The following LTBP1 variants were observed in gnomAD, a reference collection of about 807,000 sequenced individuals.
LTBP1 encodes latent-transforming growth factor beta-binding protein 1.
LTBP1 carries 129 observed loss-of-function variants against 207.6 expected under a neutral mutation model. That is an observed-to-expected ratio of 0.62 (90% CI 0.54 to 0.72). LTBP1 has a LOEUF of 0.72. LTBP1 is among the 30% of genes least tolerant of loss of function. The pLI, the probability that LTBP1 is intolerant of heterozygous loss-of-function variation, is 0.00. For synonymous variants in LTBP1, 963 were observed against 833.7 expected, an observed-to-expected ratio of 1.16 and a Z score of -2.67; for missense variants, 2,281 against 2,217.2, an observed-to-expected ratio of 1.03 and a Z score of -0.58.
intron 3 of LTBP1, among the ~76,000 whole-genome samples, chr2:33,096,147 A>G (rs1258444843): frequency 1.3e-5 from 2 of 152,226 alleles, no homozygotes; most frequent in Non-Finnish European, 2.9e-5. Context: ...CATAAGACAT[A>G]TTACATAGAT....
At chr2:33,230,338 G>A (rs1558853211) in intron 9 of LTBP1, among the ~76,000 whole-genome samples, 3 of 152,134 alleles carry the variant, frequency 2.0e-5, no homozygotes, top group Non-Finnish European at 4.4e-5. Context: ...AATTTGAGGA[G>A]CTTTCAAATA....
rs183831754 is a variant in LTBP1, at chr2:33,353,537, A to T, written c.4000+6027A>T. On this transcript the variant is annotated intron_variant, in intron 26 of 33. Transcript: ENST00000404816. The stretch of plus-strand genomic sequence containing the variant: ...ACTGTTGAATAAATTGCCTCTCCAC[A>T]TTAGAAGCACATGTCCCTTTCATAA... 9.4e-3 allele frequency among the ~76,000 whole-genome samples: 1,429 copies of T among 152,258 alleles called. 9 individuals carry two copies. The highest frequency in any genetic ancestry group is 0.015 in the Non-Finnish European group (988 of 68,024).
intron 3 of LTBP1, among the ~76,000 whole-genome samples, chr2:33,066,060 C>G (rs528680288): frequency 3.2e-4 from 49 of 152,198 alleles, no homozygotes; most frequent in African/African-American, 1.1e-3. Context: ...TTGTTGAACT[C>G]TTTATATAAT....
At chr2:33,033,842 A>G (rs994382044) in intron 3 of LTBP1, among the ~76,000 whole-genome samples, 6 of 152,198 alleles carry the variant, frequency 3.9e-5, no homozygotes, top group African/African-American at 1.4e-4. Flanking sequence ...AAAAACTTCA[A>G]CTAGCTTTGG....
chr2:33,218,597 A>G (rs1204785730), intron 8 of LTBP1, among the ~76,000 whole-genome samples: 1 of 152,136 alleles, frequency 6.6e-6, no homozygotes, highest in Non-Finnish European at 1.5e-5. Flanking sequence ...GGGTTTCACC[A>G]TGTTGGCCAG....
chr2:33,186,035 G>A (rs1017431174), intron 5 of LTBP1, among the ~76,000 whole-genome samples: 1 of 152,182 alleles, frequency 6.6e-6, no homozygotes, highest in Non-Finnish European at 1.5e-5. Context: ...TCTTTGCCCA[G>A]TCTGTCCTGT....
intron 5 of LTBP1, among the ~76,000 whole-genome samples, chr2:33,143,535 C>A (rs1209859687): frequency 1.3e-5 from 2 of 152,152 alleles, no homozygotes; most frequent in Non-Finnish European, 2.9e-5. Context: ...ATAGGATATT[C>A]CACTGACCAC....
chr2:33,023,779 T>G (rs943252874), intron 3 of LTBP1, among the ~76,000 whole-genome samples: 1 of 152,370 alleles, frequency 6.6e-6, no homozygotes, highest in African/African-American at 2.4e-5. Context: ...GCTATAGAAT[T>G]AGCCCTTTGA....
chr2:32,997,178 C>T (rs750634541), intron 2 of LTBP1, among the ~76,000 whole-genome samples: 3 of 152,112 alleles, frequency 2.0e-5, no homozygotes, highest in Non-Finnish European at 2.9e-5. Context: ...AGCTACTGCA[C>T]CCGGCCTGGA....
intron 19 of LTBP1, among the ~76,000 whole-genome samples, chr2:33,289,529 T>TA (rs1328347315): frequency 5.9e-5 from 9 of 151,572 alleles, no homozygotes; most frequent in East Asian, 3.9e-4. Context: ...TCAGCTAATT[T>TA]AAAAAAAAAA....
At chr2:33,129,570 C>A (rs2081639949) in intron 4 of LTBP1, among the ~76,000 whole-genome samples, 1 of 152,134 alleles carries the variant, frequency 6.6e-6, no homozygotes, top group Non-Finnish European at 1.5e-5. Flanking sequence ...TTTTTCTTTT[C>A]AAAAGTACTT....
At chr2:33,246,599 C>G (rs2092521082) in intron 10 of LTBP1, among the ~76,000 whole-genome samples, 1 of 152,038 alleles carries the variant, frequency 6.6e-6, no homozygotes, top group African/African-American at 2.4e-5. Flanking sequence ...GGACAAATGA[C>G]AACATTTGCT....
At chr2:33,274,206 C>T (rs1473078417) in intron 16 of LTBP1, among the ~76,000 whole-genome samples, 1 of 151,480 alleles carries the variant, frequency 6.6e-6, no homozygotes, top group Non-Finnish European at 1.5e-5. Context: ...TATATGCTGG[C>T]CTGAAGGTGT....
chr2:33,264,551 TACTA>T (rs1241495379), intron 15 of LTBP1, among the ~76,000 whole-genome samples: 4 of 152,006 alleles, frequency 2.6e-5, no homozygotes, highest in African/African-American at 9.7e-5. Flanking sequence ...ATAGGAAAAA[TACTA>T]ACAATAGAGA....
chr2:33,123,103 C>T (rs1037333405), intron 4 of LTBP1, among the ~76,000 whole-genome samples: 1 of 152,176 alleles, frequency 6.6e-6, no homozygotes, highest in Admixed American at 6.5e-5. Flanking sequence ...GTCCACATTC[C>T]CTCTTTCCAC....
intron 24 of LTBP1, among the ~76,000 whole-genome samples, chr2:33,335,481 A>G (rs929536512): frequency 4.6e-5 from 7 of 152,266 alleles, no homozygotes; most frequent in African/African-American, 1.7e-4. Context: ...AGCCTTGTCG[A>G]TGTTGCCAGA....
chr2:33,280,732 T>G (rs1458844200), intron 19 of LTBP1, among the ~76,000 whole-genome samples: 1 of 152,216 alleles, frequency 6.6e-6, no homozygotes, highest in African/African-American at 2.4e-5. Flanking sequence ...GTTAAACTTT[T>G]CATTCATTCA....
At chr2:33,148,877 T>C (rs758254319) in intron 5 of LTBP1, among the ~76,000 whole-genome samples, 3 of 152,102 alleles carry the variant, frequency 2.0e-5, no homozygotes, top group Non-Finnish European at 4.4e-5. Context: ...TGGCGTATAG[T>C]GGGTGGAGGC....
chr2:33,307,948 C>T (rs1050460982), intron 22 of LTBP1, among the ~76,000 whole-genome samples: 49 of 152,118 alleles, frequency 3.2e-4, no homozygotes, highest in South Asian at 2.1e-4. Flanking sequence ...TCGGTATCAC[C>T]GTACTTGAAC....
Sources: gnomAD v4.1 joint callset for allele counts (sites outside exome capture counted in the v4.1 genomes callset) on GRCh38, gnomAD v4.1.1 for gene constraint, MANE v1.5 for transcripts, NCBI Gene and HGNC (gene_info 2026-07-23, HGNC 2026-07-21) for gene names.